Variants in OR51B5 observed in about 807,000 individuals in gnomAD.
OR51B5 encodes the protein olfactory receptor 51B5.
For synonymous variants in OR51B5, 186 were observed against 144.8 expected, an observed-to-expected ratio of 1.28 and a Z score of -2.04; for missense variants, 456 against 374.6, an observed-to-expected ratio of 1.22 and a Z score of -1.79.
intron 1 of OR51B5, among the ~76,000 whole-genome samples, chr11:5,368,863 A>G (rs563583393): frequency 6.6e-6 from 1 of 152,292 alleles, no homozygotes; most frequent in African/African-American, 2.4e-5. Context: ...AATTTACACC[A>G]TTCTTATGTG....
Position 5,454,263 on chromosome 11 carries a change from T to C in OR51B5, n.84+51306A>G, listed in dbSNP as rs144245605. ...ATTTTATGTGCCAATGATTGGGGTC[T>C]CCACAGTGCACCGCTTTGGGAAGCA... On this transcript the variant is annotated intron_variant and non_coding_transcript_variant, in intron 1 of 4. Transcript: ENST00000415970. 30 of 1,614,186 alleles carry C rather than the reference T, an allele frequency of 1.9e-5. No homozygotes were observed. In the African/African-American group the frequency reaches 3.6e-4, roughly 19 times the overall value.
intron 1 of OR51B5, among the ~76,000 whole-genome samples, chr11:5,501,875 T>C (rs1846296075): frequency 6.7e-6 from 1 of 148,634 alleles, no homozygotes; most frequent in African/African-American, 2.4e-5. Flanking sequence ...CATGAACTGG[T>C]CATTTACATT....
chr11:5,352,898 A>AAT (rs1177823566), intron 1 of OR51B5, among the ~76,000 whole-genome samples: 22 of 147,612 alleles, frequency 1.5e-4, no homozygotes, highest in Admixed American at 2.7e-4. Context: ...TTATATAAAT[A>AAT]ATATATATAT....
In OR51B5 at chr11:5,444,329, A is replaced by C. The variant is rs193058331; in HGVS notation, n.84+61240T>G. 1.1e-3 allele frequency among the ~76,000 whole-genome samples: 169 copies of C among 152,274 alleles called. 1 individual carries two copies. Among genetic ancestry groups the C allele is most frequent in the Middle Eastern group, 6.8e-3 (2 of 294 alleles). Reference sequence around the variant, plus strand: ...GCAAACATTCAAATCGTAGGCTTTTAAATAAGAAGTATAAAATATCCTTGA... The same window carrying C: ...GCAAACATTCAAATCGTAGGCTTTTCAATAAGAAGTATAAAATATCCTTGA... On this transcript the variant is annotated intron_variant and non_coding_transcript_variant, in intron 1 of 4. Coordinates refer to the OR51B5 transcript ENST00000415970.
intron 1 of OR51B5, among the ~76,000 whole-genome samples, chr11:5,486,240 T>A (rs1393610070): frequency 6.9e-6 from 1 of 144,146 alleles, no homozygotes; most frequent in African/African-American, 2.6e-5. Flanking sequence ...TACCTCTTTT[T>A]CTTTCTGTTT....
chr11:5,505,060 T>C (rs1846352046), intron 1 of OR51B5, among the ~76,000 whole-genome samples: 1 of 152,252 alleles, frequency 6.6e-6, no homozygotes, highest in African/African-American at 2.4e-5. Context: ...CAGGTTTTCT[T>C]TGGCCCAGAT....
chr11:5,425,305 T>C (rs542486660), intron 1 of OR51B5, among the ~76,000 whole-genome samples: 207 of 152,226 alleles, frequency 1.4e-3, no homozygotes, highest in Non-Finnish European at 2.4e-3. Context: ...TGGGATTATG[T>C]TGGTTTTTCA....
chr11:5,423,929 A>G (rs894584471), intron 1 of OR51B5, among the ~76,000 whole-genome samples: 6 of 152,086 alleles, frequency 3.9e-5, no homozygotes, highest in Non-Finnish European at 7.4e-5. Flanking sequence ...GACTTTTTTC[A>G]TACTTTTATG....
chr11:5,426,606 G>T (rs1214024899), intron 1 of OR51B5, among the ~76,000 whole-genome samples: 1 of 151,996 alleles, frequency 6.6e-6, no homozygotes, highest in Non-Finnish European at 1.5e-5. Context: ...TGGCGGTGTG[G>T]ATTAACACCG....
chr11:5,455,828 T>A (rs1188212658), intron 1 of OR51B5: 1 of 152,144 alleles, frequency 6.6e-6, no homozygotes, highest in Non-Finnish European at 1.5e-5. Flanking sequence ...TTTTCAAAAA[T>A]GTCTACAGGT....
At chr11:5,400,450 C>G (rs1564800583) in intron 1 of OR51B5, among the ~76,000 whole-genome samples, 1 of 152,046 alleles carries the variant, frequency 6.6e-6, no homozygotes, top group Non-Finnish European at 1.5e-5. Flanking sequence ...ATAATTTCCC[C>G]TCTTTTTTTT....
chr11:5,479,904 T>A (rs1398924370), intron 1 of OR51B5, among the ~76,000 whole-genome samples: 6 of 139,186 alleles, frequency 4.3e-5, no homozygotes, highest in African/African-American at 1.4e-4. Context: ...CTCCCACACA[T>A]TAATAATGGG....
intron 1 of OR51B5, chr11:5,352,299 G>A: frequency 6.2e-7 from 1 of 1,614,178 alleles, no homozygotes; most frequent in African/African-American, 1.3e-5. Flanking sequence ...GGTTTGGAAA[G>A]CATGTTCCTC....
intron 1 of OR51B5, chr11:5,385,276 C>A (rs1849669618): frequency 6.6e-6 from 1 of 152,152 alleles, no homozygotes; most frequent in East Asian, 1.9e-4. Context: ...TAGGAGAAAT[C>A]CCCTAAAGCT....
chr11:5,389,687 T>C (rs1319320185), intron 1 of OR51B5: 3 of 1,613,736 alleles, frequency 1.9e-6, no homozygotes, highest in Non-Finnish European at 2.5e-6. Context: ...TATGGGGATC[T>C]TCTGGTTTAA....
chr11:5,359,659 G>C, intron 1 of OR51B5, among the ~76,000 whole-genome samples: 1 of 149,538 alleles, frequency 6.7e-6, no homozygotes, highest in East Asian at 1.9e-4. Context: ...AGTTCATATG[G>C]AACCAAAAAA....
At chr11:5,439,310 G>T (rs1850639681) in intron 1 of OR51B5, among the ~76,000 whole-genome samples, 1 of 152,096 alleles carries the variant, frequency 6.6e-6, no homozygotes, top group South Asian at 2.1e-4. Flanking sequence ...TCTTCCACCT[G>T]CACTGTCTCA....
intron 1 of OR51B5, among the ~76,000 whole-genome samples, chr11:5,493,279 A>G (rs1282621666): frequency 6.6e-6 from 1 of 152,184 alleles, no homozygotes; most frequent in Non-Finnish European, 1.5e-5. Context: ...AGCTTGAGAA[A>G]TCGATCTACC....
chr11:5,471,915 AT>A (rs1194382936), intron 1 of OR51B5, among the ~76,000 whole-genome samples: 1 of 152,186 alleles, frequency 6.6e-6, no homozygotes, highest in African/African-American at 2.4e-5. Flanking sequence ...TACTGAATAA[AT>A]GGCAACTAGG....
Sources: gnomAD v4.1 joint callset for allele counts (sites outside exome capture counted in the v4.1 genomes callset) on GRCh38, gnomAD v4.1.1 for gene constraint, MANE v1.5 for transcripts, NCBI Gene and HGNC (gene_info 2026-07-23, HGNC 2026-07-21) for gene names.